CADM2: variants seen among roughly 807,000 people sequenced by gnomAD.
CADM2 encodes the protein immunoglobulin superfamily member 4D.
In CADM2, 12 loss-of-function variants were observed where a neutral mutation model predicts 49.8. The observed-to-expected ratio is 0.24, with a 90% CI of 0.15 to 0.39. The LOEUF (loss-of-function observed/expected upper bound fraction) is 0.39. CADM2 is among the 10% of genes least tolerant of loss of function. The pLI is 1.00. For synonymous variants in CADM2, 214 were observed against 175.4 expected, an observed-to-expected ratio of 1.22 and a Z score of -1.74; for missense variants, 378 against 492.3, an observed-to-expected ratio of 0.77 and a Z score of 2.20.
chr3:85,255,593 A>G (rs551992024), intron 1 of CADM2, among the ~76,000 whole-genome samples: 1 of 152,068 alleles, frequency 6.6e-6, no homozygotes, highest in Non-Finnish European at 1.5e-5. Flanking sequence ...CCTTGTGAGA[A>G]CTGAGTGAAA....
intron 1 of CADM2, among the ~76,000 whole-genome samples, chr3:85,099,113 C>T (rs571344048): frequency 3.0e-4 from 46 of 152,202 alleles, no homozygotes; most frequent in Admixed American, 5.9e-4. Context: ...AGGGCTAGAA[C>T]TCCCCAAAAG....
chr3:85,750,393 T>C (rs1466060321), intron 2 of CADM2, among the ~76,000 whole-genome samples: 1 of 152,098 alleles, frequency 6.6e-6, no homozygotes, highest in Non-Finnish European at 1.5e-5. Context: ...ATTGGAAATT[T>C]GGGAACAAAG....
At chr3:85,398,295 T>C (rs1259403353) in intron 1 of CADM2, among the ~76,000 whole-genome samples, 6 of 151,488 alleles carry the variant, frequency 4.0e-5, no homozygotes, top group Admixed American at 6.6e-5. Context: ...CTGACAATGA[T>C]GGTTTCCAGC....
intron 1 of CADM2, among the ~76,000 whole-genome samples, chr3:85,249,106 G>C (rs2042718460): frequency 6.6e-6 from 1 of 152,034 alleles, no homozygotes; most frequent in South Asian, 2.1e-4. Flanking sequence ...ACTATATTGT[G>C]AGACAAAATA....
intron 8 of CADM2, among the ~76,000 whole-genome samples, chr3:86,023,347 A>G (rs891121590): frequency 8.8e-5 from 12 of 136,704 alleles, no homozygotes; most frequent in South Asian, 2.5e-4. Flanking sequence ...CTCCAGAATG[A>G]GGTTTTTTGT....
At chr3:85,463,515 A>G (rs1244870582) in intron 1 of CADM2, among the ~76,000 whole-genome samples, 1 of 152,146 alleles carries the variant, frequency 6.6e-6, no homozygotes, top group African/African-American at 2.4e-5. Context: ...TTTCAGCCTC[A>G]GTGAATTCAT....
chr3:85,452,960 T>TAC (rs752622245), intron 1 of CADM2, among the ~76,000 whole-genome samples: 10 of 152,022 alleles, frequency 6.6e-5, no homozygotes, highest in African/African-American at 1.4e-4. Flanking sequence ...CAGAAAAATA[T>TAC]ACACACACAC....
chr3:85,138,635 G>A (rs1654250145), intron 1 of CADM2, among the ~76,000 whole-genome samples: 1 of 151,972 alleles, frequency 6.6e-6, no homozygotes, highest in South Asian at 2.1e-4. Flanking sequence ...CAAAAAATTG[G>A]GGTGTCATTA....
chr3:85,247,378 C>T (rs992213680), intron 1 of CADM2, among the ~76,000 whole-genome samples: 6 of 151,856 alleles, frequency 4.0e-5, no homozygotes, highest in Non-Finnish European at 5.9e-5. Flanking sequence ...TTCTATTTTC[C>T]GATAAAGCAG....
intron 2 of CADM2, among the ~76,000 whole-genome samples, chr3:85,796,676 TTCTG>T (rs1433230441): frequency 6.6e-6 from 1 of 152,200 alleles, no homozygotes; most frequent in Non-Finnish European, 1.5e-5. Context: ...CTTCAGAATC[TTCTG>T]TCTCTTATGG....
At chr3:85,239,761 A>G (rs2042487780) in intron 1 of CADM2, among the ~76,000 whole-genome samples, 1 of 151,374 alleles carries the variant, frequency 6.6e-6, no homozygotes. Flanking sequence ...TATTTTAAAT[A>G]ATTGACTTCT....
intron 1 of CADM2, among the ~76,000 whole-genome samples, chr3:85,185,953 A>C (rs988198652): frequency 6.6e-6 from 1 of 152,234 alleles, no homozygotes; most frequent in African/African-American, 2.4e-5. Context: ...TTCGAAGGAG[A>C]TATTATGGCA....
At chr3:85,482,693 T>C (rs1473652170) in intron 1 of CADM2, among the ~76,000 whole-genome samples, 1 of 151,712 alleles carries the variant, frequency 6.6e-6, no homozygotes, top group East Asian at 1.9e-4. Context: ...AGGTTAATAT[T>C]CATGAGGTAT....
intron 1 of CADM2, among the ~76,000 whole-genome samples, chr3:85,210,335 T>C (rs927197850): frequency 1.3e-5 from 2 of 152,220 alleles, no homozygotes; most frequent in Non-Finnish European, 2.9e-5. Flanking sequence ...CATTTAGTCA[T>C]GATGAATATC....
intron 3 of CADM2, among the ~76,000 whole-genome samples, chr3:85,855,233 T>TAAA (rs2075262231): frequency 6.6e-6 from 1 of 152,078 alleles, no homozygotes; most frequent in South Asian, 2.1e-4. Context: ...TAGAACACAG[T>TAAA]AAAATCAGCA....
chr3:85,710,930 GA>G (rs1393727368), intron 1 of CADM2, among the ~76,000 whole-genome samples: 1 of 152,076 alleles, frequency 6.6e-6, no homozygotes, highest in Non-Finnish European at 1.5e-5. Flanking sequence ...CTGAATCTCT[GA>G]AATCATGCCA....
chr3:85,014,531 A>C (rs2034158708), intron 1 of CADM2, among the ~76,000 whole-genome samples: 1 of 152,134 alleles, frequency 6.6e-6, no homozygotes, highest in Non-Finnish European at 1.5e-5. Context: ...CATCTCCTGG[A>C]GGGTTTGGAA....
intron 1 of CADM2, among the ~76,000 whole-genome samples, chr3:85,698,023 A>T (rs2066624523): frequency 6.6e-6 from 1 of 152,230 alleles, no homozygotes; most frequent in African/African-American, 2.4e-5. Flanking sequence ...CTTAAGACAC[A>T]TTTGATTCAT....
chr3:85,903,411 T>A (rs904544202), intron 5 of CADM2, among the ~76,000 whole-genome samples: 1 of 152,140 alleles, frequency 6.6e-6, no homozygotes, highest in Non-Finnish European at 1.5e-5. Context: ...AGATTTTGTT[T>A]ACCTGAAAAA....
Sources: gnomAD v4.1 joint callset for allele counts (sites outside exome capture counted in the v4.1 genomes callset) on GRCh38, gnomAD v4.1.1 for gene constraint, MANE v1.5 for transcripts, NCBI Gene and HGNC (gene_info 2026-07-23, HGNC 2026-07-21) for gene names.